PSPC1: variants seen among roughly 807,000 people sequenced by gnomAD.
The protein encoded by PSPC1 is paraspeckle component 1, also known as paraspeckle protein 1.
A neutral mutation model predicts 51.6 loss-of-function variants in PSPC1; 14 were observed. The ratio of observed to expected loss-of-function variants is 0.27; its 90% CI spans 0.18 to 0.42. The LOEUF (loss-of-function observed/expected upper bound fraction) is 0.42. Ranked by LOEUF, PSPC1 falls within the 10% of genes least tolerant of loss-of-function variation. The pLI is 1.00. For missense variants in PSPC1, 406 were observed against 701.1 expected, an observed-to-expected ratio of 0.58 and a Z score of 4.75; for synonymous variants, 193 against 231.9, an observed-to-expected ratio of 0.83 and a Z score of 1.53.
intron 2 of PSPC1, among the ~76,000 whole-genome samples, chr13:19,770,028 T>C (rs1888471298): frequency 7.4e-6 from 1 of 134,928 alleles, no homozygotes; most frequent in Admixed American, 8.3e-5. Flanking sequence ...GCAACTCAAA[T>C]ATCCATCCAT....
chr13:19,752,745 T>C (rs1021098357), intron 3 of PSPC1, among the ~76,000 whole-genome samples: 2 of 151,968 alleles, frequency 1.3e-5, no homozygotes, highest in African/African-American at 4.8e-5. Context: ...GCCACCATGC[T>C]TGGCTTATTT....
At chr13:19,777,206 G>A (rs538614977) in intron 1 of PSPC1, among the ~76,000 whole-genome samples, 1 of 150,036 alleles carries the variant, frequency 6.7e-6, no homozygotes, top group Admixed American at 6.7e-5. Context: ...GAGGCGGGTG[G>A]ATCACCTGAG....
At chr13:19,762,690 T>C (rs1887707917) in intron 2 of PSPC1, among the ~76,000 whole-genome samples, 1 of 152,364 alleles carries the variant, frequency 6.6e-6, no homozygotes, top group South Asian at 2.1e-4. Context: ...TTGGAACACA[T>C]GCTAAAATGT....
intron 8 of PSPC1, among the ~76,000 whole-genome samples, chr13:19,704,696 TGATAA>T (rs1162197084): frequency 6.6e-6 from 1 of 152,152 alleles, no homozygotes; most frequent in Non-Finnish European, 1.5e-5. Flanking sequence ...TTAATAGAAA[TGATAA>T]AAGGTATCAT....
intron 6 of PSPC1, among the ~76,000 whole-genome samples, chr13:19,712,621 T>C (rs1881586535): frequency 6.6e-6 from 1 of 152,138 alleles, no homozygotes; most frequent in Middle Eastern, 3.2e-3. Context: ...TATAAATTGG[T>C]ACAAGTTCTA....
At chr13:19,672,498 T>TAAAAAAAAAAAAA (rs58492348), downstream of PSPC1, 1 of 128,104 alleles carries the variant, frequency 7.8e-6, no homozygotes, top group Non-Finnish European at 1.7e-5. Flanking sequence ...CTTCTGTGCT[T>TAAAAAAAAAAAAA]AAAAAAAAAA....
chr13:19,717,862 G>A (rs1372909843), intron 6 of PSPC1, among the ~76,000 whole-genome samples: 2 of 146,002 alleles, frequency 1.4e-5, no homozygotes, highest in Non-Finnish European at 3.0e-5. Context: ...GGCGACAGAG[G>A]GAGACTCCAC....
intron 6 of PSPC1, among the ~76,000 whole-genome samples, chr13:19,711,658 A>G (rs1407811456): frequency 2.3e-4 from 34 of 149,696 alleles, no homozygotes; most frequent in African/African-American, 7.6e-4. Context: ...AAAAAAAAAA[A>G]AAAGAAACCC....
intron 5 of PSPC1, among the ~76,000 whole-genome samples, chr13:19,735,372 G>A (rs1005448451): frequency 6.6e-6 from 1 of 152,136 alleles, no homozygotes; most frequent in African/African-American, 2.4e-5. Flanking sequence ...GAGAAGGAAT[G>A]AAGGAATAAG....
chr13:19,777,923 G>T (rs894874280), intron 1 of PSPC1, among the ~76,000 whole-genome samples: 2 of 149,702 alleles, frequency 1.3e-5, no homozygotes, highest in African/African-American at 4.9e-5. Flanking sequence ...TCCAGCCTGG[G>T]CGACAGAGTG....
intron 7 of PSPC1, among the ~76,000 whole-genome samples, chr13:19,677,060 C>G (rs1056423459): frequency 6.6e-6 from 1 of 152,018 alleles, no homozygotes; most frequent in Non-Finnish European, 1.5e-5. Flanking sequence ...CAGTGAAACC[C>G]CGTCTCTACT....
rs1166637223 is a variant in PSPC1, at chr13:19,717,854, C to T, written c.1159-8255G>A. 4.0e-5 allele frequency among the ~76,000 whole-genome samples: 6 copies of T among 149,372 alleles called. No individual in the cohort carries two copies. The East Asian group carries it at 7.8e-4, about 19-fold the overall frequency. ...TCGTGCCACTGCACTCCAGCGTGGG[C>T]GACAGAGGGAGACTCCACTTTAAAA... is the stretch of plus-strand genomic sequence containing the variant. On this transcript the variant is annotated intron_variant, in intron 6 of 8. Coordinates refer to ENST00000338910, the MANE Select transcript of PSPC1 (RefSeq NM_001354909.2).
intron 1 of PSPC1, among the ~76,000 whole-genome samples, chr13:19,777,048 T>C (rs1452205491): frequency 7.2e-6 from 1 of 139,746 alleles, no homozygotes; most frequent in Non-Finnish European, 1.5e-5. Flanking sequence ...CGCTTGAACC[T>C]GGGGAGGCAA....
At chr13:19,683,654 A>T (rs1877530347) in intron 6 of PSPC1, among the ~76,000 whole-genome samples, 2 of 152,218 alleles carry the variant, frequency 1.3e-5, no homozygotes, top group African/African-American at 4.8e-5. Flanking sequence ...AGGGAAAATT[A>T]TTTGTAAGTT....
chr13:19,685,576 C>G (rs1239712428), intron 6 of PSPC1, among the ~76,000 whole-genome samples: 1 of 152,150 alleles, frequency 6.6e-6, no homozygotes, highest in African/African-American at 2.4e-5. Flanking sequence ...ATAATTCAGT[C>G]TGACAGAAAG....
chr13:19,726,316 C>G (rs1343655617), intron 6 of PSPC1, among the ~76,000 whole-genome samples: 1 of 152,164 alleles, frequency 6.6e-6, no homozygotes, highest in Non-Finnish European at 1.5e-5. Flanking sequence ...AGTTTTGAAT[C>G]TTCGCTACCA....
intron 3 of PSPC1, among the ~76,000 whole-genome samples, chr13:19,753,984 CT>C (rs1886821565): frequency 6.6e-6 from 1 of 151,258 alleles, no homozygotes; most frequent in Non-Finnish European, 1.5e-5. Flanking sequence ...TATTTATTTT[CT>C]TTCAAAGGAA....
chr13:19,746,632 C>T (rs1244684225), intron 4 of PSPC1, among the ~76,000 whole-genome samples: 3 of 151,908 alleles, frequency 2.0e-5, no homozygotes, highest in Non-Finnish European at 4.4e-5. Context: ...ACCCGGGAAC[C>T]GGAGGTTGTA....
chr13:19,743,404 G>C (rs560783669), intron 4 of PSPC1, among the ~76,000 whole-genome samples: 1 of 152,050 alleles, frequency 6.6e-6, no homozygotes, highest in Non-Finnish European at 1.5e-5. Context: ...ACAATAGCAA[G>C]ACAGGCATCA....
Sources: allele counts gnomAD v4.1 joint callset (sites outside exome capture counted in the v4.1 genomes callset), GRCh38; gene constraint gnomAD v4.1.1; transcripts MANE v1.5; gene names NCBI Gene and HGNC (gene_info 2026-07-23, HGNC 2026-07-21).